Variants in ANKS1B observed in about 807,000 individuals in gnomAD.
ANKS1B encodes the protein ankyrin repeat and sterile alpha motif domain-containing protein 1B.
In ANKS1B, 36 loss-of-function variants were observed where a neutral mutation model predicts 148.3. That is an observed-to-expected ratio of 0.24 (90% CI 0.19 to 0.32). The LOEUF is 0.32. ANKS1B is among the 10% of genes least tolerant of loss of function. ANKS1B has a pLI of 1.00. For synonymous variants in ANKS1B, 542 were observed against 560.8 expected, an observed-to-expected ratio of 0.97 and a Z score of 0.47; for missense variants, 1,157 against 1,542.6, an observed-to-expected ratio of 0.75 and a Z score of 4.19.
intron 8 of ANKS1B, among the ~76,000 whole-genome samples, chr12:99,666,654 C>T (rs1231994178): frequency 2.0e-5 from 3 of 152,026 alleles, no homozygotes; most frequent in African/African-American, 4.8e-5. Flanking sequence ...GGTAAACACA[C>T]GTTTCGTGTT....
intron 10 of ANKS1B, among the ~76,000 whole-genome samples, chr12:99,489,811 G>A (rs1393643063): frequency 6.6e-6 from 1 of 152,052 alleles, no homozygotes; most frequent in Non-Finnish European, 1.5e-5. Context: ...TTATGCACAG[G>A]TGAAAAACAC....
intron 10 of ANKS1B, among the ~76,000 whole-genome samples, chr12:99,475,929 C>T (rs975390405): frequency 6.6e-5 from 10 of 151,774 alleles, no homozygotes; most frequent in Non-Finnish European, 2.9e-5. Context: ...TATTGTAACA[C>T]AGTATTAAAA....
intron 9 of ANKS1B, among the ~76,000 whole-genome samples, chr12:99,562,690 T>C (rs1373422521): frequency 6.6e-6 from 1 of 152,180 alleles, no homozygotes; most frequent in Non-Finnish European, 1.5e-5. Flanking sequence ...GAAAAGCCTC[T>C]TATAAAACCA....
intron 12 of ANKS1B, among the ~76,000 whole-genome samples, chr12:99,399,234 C>T (rs2094336466): frequency 6.6e-6 from 1 of 152,096 alleles, no homozygotes; most frequent in South Asian, 2.1e-4. Flanking sequence ...TGAAAGCCAG[C>T]CTAGGCCACA....
At chr12:98,903,158 A>C (rs2099774439) in intron 17 of ANKS1B, among the ~76,000 whole-genome samples, 1 of 152,112 alleles carries the variant, frequency 6.6e-6, no homozygotes, top group South Asian at 2.1e-4. Context: ...TTAAAACATA[A>C]TTTGGGGTTG....
At chr12:99,544,518 C>A (rs1455037599) in intron 9 of ANKS1B, among the ~76,000 whole-genome samples, 1 of 152,128 alleles carries the variant, frequency 6.6e-6, no homozygotes, top group African/African-American at 2.4e-5. Context: ...ACAAAATGTC[C>A]TGTGTAAAAG....
chr12:99,650,066 C>CATATGCTCTATTGACAGGAAGGGTAGCA (rs2098407850), intron 9 of ANKS1B: 1 of 152,508 alleles, frequency 6.6e-6, no homozygotes, highest in Non-Finnish European at 1.5e-5. Context: ...GCTCTAATAA[C>CATATGCTCTATTGACAGGAAGGGTAGCA]ATATGCTCTA....
chr12:99,790,768 G>A (rs1174412106), intron 4 of ANKS1B, among the ~76,000 whole-genome samples: 1 of 151,532 alleles, frequency 6.6e-6, no homozygotes, highest in Non-Finnish European at 1.5e-5. Context: ...CAATGGGTAC[G>A]CAAAAAAATT....
intron 17 of ANKS1B, among the ~76,000 whole-genome samples, chr12:99,022,143 C>A (rs999742927): frequency 2.6e-5 from 4 of 152,150 alleles, no homozygotes; most frequent in African/African-American, 9.7e-5. Flanking sequence ...CGTGTTTCCC[C>A]ATCTCTCAGT....
chr12:98,990,564 G>GA (rs1408659675), intron 17 of ANKS1B, among the ~76,000 whole-genome samples: 3 of 135,976 alleles, frequency 2.2e-5, no homozygotes, highest in Non-Finnish European at 3.1e-5. Flanking sequence ...GAGAGAGAGA[G>GA]AGAAAAAAAA....
chr12:99,667,464 C>T (rs2098515056), intron 8 of ANKS1B, among the ~76,000 whole-genome samples: 1 of 152,098 alleles, frequency 6.6e-6, no homozygotes, highest in Admixed American at 6.6e-5. Flanking sequence ...ATCTTGCACA[C>T]ATTTTAGGTC....
chr12:99,201,605 G>A (rs796628146), intron 14 of ANKS1B, among the ~76,000 whole-genome samples: 1 of 152,140 alleles, frequency 6.6e-6, no homozygotes, highest in African/African-American at 2.4e-5. Context: ...GTTTAGGTGA[G>A]CTTTCAGGTG....
chr12:99,756,484 G>A (rs1308212363), intron 8 of ANKS1B, among the ~76,000 whole-genome samples: 1 of 151,894 alleles, frequency 6.6e-6, no homozygotes, highest in Admixed American at 6.6e-5. Context: ...AATCAATATC[G>A]TGAAAATGGT....
At chr12:99,582,642 T>G (rs1199076657) in intron 9 of ANKS1B, among the ~76,000 whole-genome samples, 6 of 152,296 alleles carry the variant, frequency 3.9e-5, no homozygotes, top group Non-Finnish European at 2.9e-5. Context: ...CAATACTATG[T>G]GATCTGTGAA....
chr12:99,864,672 G>A (rs1446407347), intron 1 of ANKS1B, among the ~76,000 whole-genome samples: 6 of 152,128 alleles, frequency 3.9e-5, no homozygotes, highest in Non-Finnish European at 7.4e-5. Flanking sequence ...TCTGATTTGG[G>A]GCAAGCTCTT....
At chr12:98,824,752 C>CT (rs2099233866) in intron 19 of ANKS1B, among the ~76,000 whole-genome samples, 1 of 152,156 alleles carries the variant, frequency 6.6e-6, no homozygotes, top group East Asian at 1.9e-4. Flanking sequence ...CCACACCTAC[C>CT]TACAAAGCTT....
intron 10 of ANKS1B, among the ~76,000 whole-genome samples, chr12:99,444,358 T>C (rs1594898198): frequency 6.6e-6 from 1 of 151,960 alleles, no homozygotes; most frequent in African/African-American, 2.4e-5. Flanking sequence ...GGTTTTATGA[T>C]GTAGATAAAC....
chr12:99,859,293 T>C (rs2089678560), intron 1 of ANKS1B, among the ~76,000 whole-genome samples: 2 of 152,222 alleles, frequency 1.3e-5, no homozygotes, highest in African/African-American at 4.8e-5. Context: ...TGAAGAACTC[T>C]TGCAAGTAAA....
intron 1 of ANKS1B, among the ~76,000 whole-genome samples, chr12:99,894,289 A>AAGGGAGGGAGGG (rs752609673): frequency 1.1e-4 from 5 of 45,830 alleles, no homozygotes; most frequent in East Asian, 9.5e-4. Context: ...GGAAGGAAGG[A>AAGGGAGGGAGGG]AGGGAGGGAG....
Sources: gnomAD v4.1 joint callset for allele counts (sites outside exome capture counted in the v4.1 genomes callset) on GRCh38, gnomAD v4.1.1 for gene constraint, MANE v1.5 for transcripts, NCBI Gene and HGNC (gene_info 2026-07-23, HGNC 2026-07-21) for gene names.